The following UBA2 variants were observed in gnomAD, a reference collection of about 807,000 sequenced individuals.
UBA2 encodes SUMO-activating enzyme subunit 2.
UBA2 carries 11 observed loss-of-function variants against 77.2 expected under a neutral mutation model. That is an observed-to-expected ratio of 0.14 (90% CI 0.09 to 0.24). The LOEUF is 0.24. Among genes scored for constraint, UBA2 ranks in the 10% least tolerant of loss-of-function variants. UBA2 has a pLI of 1.00. For missense variants in UBA2, 487 were observed against 781.7 expected (o/e 0.62, Z 4.50); for synonymous variants, 278 against 276.7 (o/e 1.00, Z -0.05).
chr19:34,465,019 CAA>C (rs1469522912), intron 15 of UBA2, among the ~76,000 whole-genome samples: 3 of 151,948 alleles, frequency 2.0e-5, no homozygotes, highest in South Asian at 2.1e-4. Context: ...GGCTGGGTGA[CAA>C]GAGCAAAACT....
At chr19:34,457,662 G>C (rs907903002) in intron 12 of UBA2, among the ~76,000 whole-genome samples, 1 of 152,086 alleles carries the variant, frequency 6.6e-6, no homozygotes, top group African/African-American at 2.4e-5. Flanking sequence ...ATTTAGTTCT[G>C]TATTCTCAGG....
intron 13 of UBA2, among the ~76,000 whole-genome samples, chr19:34,460,013 C>G (rs1396582970): frequency 1.3e-5 from 2 of 151,966 alleles, no homozygotes; most frequent in African/African-American, 4.8e-5. Context: ...TTCCTTCTTT[C>G]TTTTTTAGGA....
At chr19:34,455,627 T>G (rs2075549934) in intron 12 of UBA2, among the ~76,000 whole-genome samples, 1 of 152,206 alleles carries the variant, frequency 6.6e-6, no homozygotes, top group African/African-American at 2.4e-5. Flanking sequence ...TATTTTGCAG[T>G]GTCATTGATG....
intron 12 of UBA2, among the ~76,000 whole-genome samples, chr19:34,457,174 A>AT (rs2145553413): frequency 1.2e-4 from 12 of 99,894 alleles, no homozygotes; most frequent in African/African-American, 4.7e-4. Context: ...ACTAAAAAAA[A>AT]AAAAAATATA....
At chr19:34,458,558 CAAAAAAAAAAAAAAAA>C (rs60349858) in intron 12 of UBA2, among the ~76,000 whole-genome samples, 195 bp from the exon 13 acceptor site, 49 of 60,620 alleles carry the variant, frequency 8.1e-4, no homozygotes, top group African/African-American at 1.5e-3. Flanking sequence ...GACTCCGTCT[CAAAAAAAAAAAAAAAA>C]AAAAAAAAAA....
chr19:34,466,983 T>C lies in UBA2; in HGVS notation c.1710T>C (p.Ser570=). The C allele has an allele frequency of 6.2e-7, 1 of 1,614,046 alleles. No homozygotes were observed. The highest frequency in any genetic ancestry group is 8.5e-7 in the Non-Finnish European group (1 of 1,179,990). ...EDAAKSITNG[S]DDGAQPSTST... ...CTGCCAAAAGCATAACCAATGGCAG[T>C]GATGATGGAGCTCAGCCCTCCACCT... Residue 570 remains serine (S), a synonymous_variant, in exon 16 of 17, where the codon AGT becomes AGC. Coordinates refer to ENST00000246548, the MANE Select transcript of UBA2 (RefSeq NM_005499.3).
At chr19:34,446,597 C>CTTTT (rs1202288406) in intron 8 of UBA2, among the ~76,000 whole-genome samples, 1 of 100,242 alleles carries the variant, frequency 1.0e-5, no homozygotes, top group African/African-American at 2.9e-5. Context: ...CACATGTTGA[C>CTTTT]TTTTTTTTTT....
intron 15 of UBA2, among the ~76,000 whole-genome samples, chr19:34,466,393 T>C (rs2075688278): frequency 6.6e-6 from 1 of 152,194 alleles, no homozygotes; most frequent in Admixed American, 6.5e-5. Flanking sequence ...TTTTTGGCAT[T>C]GTAGCTAAAG....
intron 6 of UBA2, among the ~76,000 whole-genome samples, chr19:34,441,841 A>T (rs974144494): frequency 2.0e-5 from 3 of 151,838 alleles, no homozygotes; most frequent in African/African-American, 7.3e-5. Flanking sequence ...GAGCCGCTTG[A>T]ACCTGGGAGG....
intron 2 of UBA2, 78 bp from the exon 3 acceptor site, chr19:34,431,783 C>T (rs1294117851): frequency 7.8e-7 from 1 of 1,277,824 alleles, no homozygotes; most frequent in East Asian, 2.3e-5. Context: ...AAGTAGATAA[C>T]AGCATTGTGG....
At position 34,469,367 on chromosome 19, in the gene UBA2, G is replaced by A. The variant is rs553081158; in HGVS notation, c.*146G>A. The A allele has an allele frequency of 8.6e-5, 57 of 666,362 alleles. No individual in the cohort carries two copies. The East Asian group carries it at 1.8e-3, about 21-fold the overall frequency. The allele number at this position is 666,362 out of a possible 1,614,324, so 41.3% of individuals were successfully genotyped here. ...CCCTTTGAAAGCATTCATTTTGCTA[G>A]AACTGTTAGACACATTGCAGTATGC... On this transcript the variant is annotated 3_prime_UTR_variant, in exon 17 of 17. Coordinates refer to ENST00000246548, the MANE Select transcript of UBA2 (RefSeq NM_005499.3).
Position 34,458,754 on chromosome 19 carries a change from A to G in UBA2, c.1246-15A>G. On this transcript the variant is annotated splice_polypyrimidine_tract_variant and intron_variant, in intron 12 of 16. Transcript: ENST00000246548. ...AGCACGTTTCCGATTTCTGCCTGTTATTTCTCCTCCAAAGATTTTTTTGAA... is the reference window on the plus strand; with the variant it reads ...AGCACGTTTCCGATTTCTGCCTGTTGTTTCTCCTCCAAAGATTTTTTTGAA... 6.2e-7 allele frequency: 1 copy of G among 1,604,530 alleles called. No individual in the cohort carries two copies. Among genetic ancestry groups the G allele is most frequent in the Non-Finnish European group, 8.5e-7 (1 of 1,175,922 alleles).
chr19:34,468,071 G>A (rs145343604), intron 16 of UBA2, among the ~76,000 whole-genome samples: 1 of 152,164 alleles, frequency 6.6e-6, no homozygotes, highest in Non-Finnish European at 1.5e-5. Flanking sequence ...CAGTGCTGGT[G>A]CTTGGTATTT....
Position 34,454,286 on chromosome 19 carries a change from C to T in UBA2, c.1065C>T (p.Val355=), listed in dbSNP as rs2075534640. 1 of 1,611,574 alleles carries T rather than the reference C, an allele frequency of 6.2e-7. No homozygotes were observed. Among genetic ancestry groups the T allele is most frequent in the Non-Finnish European group, 8.5e-7 (1 of 1,179,634 alleles). ...DKDDPSAMDF[V]TSAANLRMHI... is the part of the protein sequence containing the mutation. Reference sequence around the variant, plus strand: ...ATGACCCATCTGCAATGGATTTTGTCACCTCTGCTGCAAACCTCAGGATGC... The same window carrying T: ...ATGACCCATCTGCAATGGATTTTGTTACCTCTGCTGCAAACCTCAGGATGC... The change falls in exon 11 of 17, where the codon GTC becomes GTT. Residue 355 remains valine (V), a synonymous_variant. Transcript: ENST00000246548.
chr19:34,464,557 TA>T (rs11284248), intron 15 of UBA2, among the ~76,000 whole-genome samples: 62,867 of 141,256 alleles, frequency 0.45, 15,689 homozygotes, highest in Non-Finnish European at 0.58. Context: ...GACTCCAACT[TA>T]AAAAAAAAAA....
chr19:34,452,028 C>A lies in UBA2; in HGVS notation c.919C>A (p.Leu307Met). Reference sequence around the variant, plus strand: ...TCAACAGAATGAACCCCAGTTAGGCCTGAAAGACCAGCAGGTTCTAGATGT... The same window carrying A: ...TCAACAGAATGAACCCCAGTTAGGCATGAAAGACCAGCAGGTTCTAGATGT... The part of the protein sequence containing the change: ...SDQQNEPQLG[L>M]KDQQVLDVKS... The change falls in exon 10 of 17, where the codon CTG becomes ATG. Residue 307 changes from leucine (L) to methionine (M), a missense_variant. This residue lies in a region of UBA2 where 300 missense variants were observed against 454.3 expected (regional missense o/e 0.66). Transcript: ENST00000246548. 6.2e-7 allele frequency: 1 copy of A among 1,605,842 alleles called. No homozygotes were observed. The highest frequency in any genetic ancestry group is 8.5e-7 in the Non-Finnish European group (1 of 1,174,828).
chr19:34,462,729 G>A (rs530599446), intron 14 of UBA2, among the ~76,000 whole-genome samples: 406 of 152,282 alleles, frequency 2.7e-3, no homozygotes, highest in African/African-American at 9.3e-3. Flanking sequence ...ACTTTGAGGG[G>A]CCGAGGCGGG....
chr19:34,431,793 G>T, intron 2 of UBA2, 68 bp from the exon 3 acceptor site: 1 of 1,396,594 alleles, frequency 7.2e-7, no homozygotes, highest in Non-Finnish European at 1.0e-6. Flanking sequence ...CAGCATTGTG[G>T]CTTCCAGAAG....
intron 1 of UBA2, 171 bp downstream of exon 1, chr19:34,428,741 T>C: frequency 8.8e-7 from 1 of 1,140,412 alleles, no homozygotes; most frequent in African/African-American, 1.6e-5. Context: ...GGGAGGAGAC[T>C]GTTCTTTGGG....
Sources: gnomAD v4.1 joint callset for allele counts (sites outside exome capture counted in the v4.1 genomes callset) on GRCh38, gnomAD v4.1.1 for gene constraint, gnomAD v4.1.1 regional missense constraint, MANE v1.5 for transcripts, NCBI Gene and HGNC (gene_info 2026-07-23, HGNC 2026-07-21) for gene names.